Variants in TMX2 observed in about 807,000 individuals in gnomAD.
TMX2 encodes the protein thioredoxin-related transmembrane protein 2.
Under a neutral mutation model 33.4 loss-of-function variants are expected in TMX2, and 20 were observed. The observed-to-expected ratio is 0.60, with a 90% CI of 0.42 to 0.87. The LOEUF (loss-of-function observed/expected upper bound fraction) is 0.87. TMX2 is among the 40% of genes least tolerant of loss of function. The probability of loss-of-function intolerance (pLI) is 0.00; values close to 1 mark genes in which losing one functional copy is unlikely to be tolerated. For missense variants in TMX2, 340 were observed against 370.7 expected (o/e 0.92, Z 0.68); for synonymous variants, 166 against 140.7 (o/e 1.18, Z -1.27).
At chr11:57,712,882 G>T (rs1201544553) in intron 1 of TMX2, 75 bp downstream of exon 1, 7 of 1,542,512 alleles carry the variant, frequency 4.5e-6, no homozygotes, top group Admixed American at 3.6e-5. Context: ...GAACCCTGGG[G>T]TTTACCTCTC....
intron 7 of TMX2, 37 bp from the exon 8 acceptor site, chr11:57,740,062 C>T: frequency 4.3e-6 from 7 of 1,613,270 alleles, no homozygotes; most frequent in Non-Finnish European, 5.9e-6. Flanking sequence ...CTCTCCCTTC[C>T]AACCCAGATC....
rs1442415845 is a variant in TMX2, at chr11:57,712,687, A to G, written c.69A>G (p.Gln23=). 1.9e-6 allele frequency: 3 copies of G among 1,614,024 alleles called. No homozygotes were observed. In the African/African-American group the frequency reaches 4.0e-5, roughly 22 times the overall value. The change falls in exon 1 of 8, where the codon CAA becomes CAG. Residue 23 remains glutamine (Q), a synonymous_variant. Coordinates refer to ENST00000278422, the MANE Select transcript of TMX2 (RefSeq NM_015959.4). ...CGCGACTTTCACGATGGCTCGCCCA[A>G]CCTTACTACCTTCTGTCGGCCCTGC... ...SVPRLSRWLA[Q]PYYLLSALLS... is the part of the protein sequence containing the mutation.
intron 1 of TMX2, among the ~76,000 whole-genome samples, chr11:57,728,833 G>A (rs1590945489): frequency 6.6e-6 from 1 of 152,154 alleles, no homozygotes; most frequent in South Asian, 2.1e-4. Flanking sequence ...AGTGTCCAGG[G>A]GTTGACCCCC....
intron 1 of TMX2, among the ~76,000 whole-genome samples, chr11:57,714,684 C>A (rs537363898): frequency 6.6e-6 from 1 of 152,082 alleles, no homozygotes; most frequent in Non-Finnish European, 1.5e-5. Flanking sequence ...GTCTTAACCT[C>A]CTGGGCAAAG....
chr11:57,730,041 T>C (rs2926661), intron 1 of TMX2, among the ~76,000 whole-genome samples: 2,319 of 149,242 alleles, frequency 0.016, 70 homozygotes, highest in African/African-American at 0.055. Flanking sequence ...GAGATGGAGG[T>C]TGTGGTGAGC....
In TMX2 at chr11:57,712,818, C is replaced by A; in HGVS notation, c.189+11C>A. On this transcript the variant is annotated intron_variant, in intron 1 of 7. Transcript: ENST00000278422. ...TGTGACTTTGACTGGGTGAGCCTCCCGCGTGTTAGTACCCCGCGACCTTGA... is the reference window on the plus strand; with the variant it reads ...TGTGACTTTGACTGGGTGAGCCTCCAGCGTGTTAGTACCCCGCGACCTTGA... The A allele has an allele frequency of 6.2e-7, 1 of 1,613,790 alleles. No homozygotes were observed. The highest frequency in any genetic ancestry group is 8.5e-7 in the Non-Finnish European group (1 of 1,179,914).
intron 1 of TMX2, among the ~76,000 whole-genome samples, chr11:57,729,661 G>A (rs1948229634): frequency 6.6e-6 from 1 of 152,030 alleles, no homozygotes; most frequent in Admixed American, 6.5e-5. Context: ...CCTAGGGTAG[G>A]ATTTTTAAAA....
chr11:57,712,817 C>T lies in TMX2; in HGVS notation c.189+10C>T, dbSNP rs370869840. On this transcript the variant is annotated intron_variant, in intron 1 of 7. Coordinates refer to ENST00000278422, the MANE Select transcript of TMX2 (RefSeq NM_015959.4). ...GTGTGACTTTGACTGGGTGAGCCTC[C>T]CGCGTGTTAGTACCCCGCGACCTTG... The T allele has an allele frequency of 5.6e-6, 9 of 1,613,814 alleles. No individual in the cohort carries two copies. Among genetic ancestry groups the T allele is most frequent in the Non-Finnish European group, 7.6e-6 (9 of 1,179,942 alleles).
intron 1 of TMX2, among the ~76,000 whole-genome samples, chr11:57,721,218 C>T (rs890221057): frequency 8.6e-5 from 13 of 152,032 alleles, no homozygotes; most frequent in African/African-American, 2.7e-4. Flanking sequence ...AGGAGAATTG[C>T]TTGAACTGGG....
At chr11:57,737,515 G>A (rs1948821996) in intron 1 of TMX2, 93 bp from the exon 2 acceptor site, 8 of 998,022 alleles carry the variant, frequency 8.0e-6, no homozygotes, top group East Asian at 2.5e-5. Context: ...AGTTTGGATC[G>A]CTATTGGTTT....
At position 57,738,625 on chromosome 11, in the gene TMX2, A is replaced by G. The variant is rs372572707; in HGVS notation, c.442-39A>G. On this transcript the variant is annotated intron_variant, in intron 4 of 7. Coordinates refer to ENST00000278422, the MANE Select transcript of TMX2 (RefSeq NM_015959.4). ...AAAGTCTGAACCTTCCCAGGAGGCTATGTGGATCCAGCTGACTTTTCTTCC... is the reference window on the plus strand; with the variant it reads ...AAAGTCTGAACCTTCCCAGGAGGCTGTGTGGATCCAGCTGACTTTTCTTCC... 1.4e-4 allele frequency: 223 copies of G among 1,541,422 alleles called. 1 individual carries two copies. Among genetic ancestry groups the G allele is most frequent in the Middle Eastern group, 3.6e-4 (2 of 5,622 alleles).
At chr11:57,729,430 A>G (rs1167310682) in intron 1 of TMX2, among the ~76,000 whole-genome samples, 1 of 152,140 alleles carries the variant, frequency 6.6e-6, no homozygotes, top group African/African-American at 2.4e-5. Context: ...TCTCATGGCA[A>G]AAGTATTGAA....
intron 1 of TMX2, among the ~76,000 whole-genome samples, chr11:57,713,139 C>T (rs1353128778): frequency 6.6e-6 from 1 of 152,144 alleles, no homozygotes; most frequent in Non-Finnish European, 1.5e-5. Flanking sequence ...CAGTGCCGCT[C>T]ATTATGTAAA....
chr11:57,735,216 C>CT (rs879902371), intron 1 of TMX2, among the ~76,000 whole-genome samples: 56 of 148,106 alleles, frequency 3.8e-4, no homozygotes, highest in East Asian at 1.4e-3. Context: ...ATTTTCTTTT[C>CT]TTTTTTTTTT....
At chr11:57,737,300 A>T (rs1213314166) in intron 1 of TMX2, among the ~76,000 whole-genome samples, 1 of 151,948 alleles carries the variant, frequency 6.6e-6, no homozygotes, top group African/African-American at 2.4e-5. Flanking sequence ...CATGTCTGCA[A>T]TCCCAGCTAC....
chr11:57,733,850 G>A (rs189208966), intron 1 of TMX2, among the ~76,000 whole-genome samples: 1 of 152,182 alleles, frequency 6.6e-6, no homozygotes, highest in African/African-American at 2.4e-5. Flanking sequence ...GGTCATCCCA[G>A]CATCATCCAG....
At chr11:57,728,799 C>T (rs1459016449) in intron 1 of TMX2, among the ~76,000 whole-genome samples, 1 of 152,106 alleles carries the variant, frequency 6.6e-6, no homozygotes, top group East Asian at 1.9e-4. Flanking sequence ...AAAGGTGCCC[C>T]TGGGTGACTG....
chr11:57,729,667 TA>T (rs1024289708), intron 1 of TMX2, among the ~76,000 whole-genome samples: 9 of 150,802 alleles, frequency 6.0e-5, no homozygotes, highest in African/African-American at 2.0e-4. Context: ...GTAGGATTTT[TA>T]AAAAACGGAA....
At position 57,712,607 on chromosome 11, in the gene TMX2, A is replaced by T; in HGVS notation, c.-12A>T. ...ACGACGCCGGCGAGCAGTGGCCGTT[A>T]CGGCCGAAAAGATGGCGGTCTTGGC... On this transcript the variant is annotated 5_prime_UTR_variant, in exon 1 of 8. Transcript: ENST00000278422. 3.1e-6 allele frequency: 5 copies of T among 1,602,192 alleles called. No individual in the cohort carries two copies. Among genetic ancestry groups the T allele is most frequent in the Non-Finnish European group, 4.3e-6 (5 of 1,172,322 alleles).
Sources: allele counts gnomAD v4.1 joint callset (sites outside exome capture counted in the v4.1 genomes callset), GRCh38; gene constraint gnomAD v4.1.1; transcripts MANE v1.5; gene names NCBI Gene and HGNC (gene_info 2026-07-23, HGNC 2026-07-21).